ERC2: variants seen among roughly 807,000 people sequenced by gnomAD.
ERC2 encodes the protein ELKS/RAB6-interacting/CAST family member 2, also known as ERC protein 2.
Under a neutral mutation model 114.8 loss-of-function variants are expected in ERC2, and 42 were observed. The ratio of observed to expected loss-of-function variants is 0.37; its 90% confidence interval spans 0.29 to 0.47. ERC2 has a LOEUF of 0.47. ERC2 is among the 20% of genes least tolerant of loss of function. The pLI, the probability that ERC2 is intolerant of heterozygous loss-of-function variation, is 0.99. For missense variants in ERC2, 939 were observed against 1,150.7 expected (o/e 0.82, Z 2.66); for synonymous variants, 454 against 425.5 (o/e 1.07, Z -0.82).
chr3:56,342,058 C>A (rs370046777), intron 2 of ERC2, among the ~76,000 whole-genome samples: 2 of 152,338 alleles, frequency 1.3e-5, no homozygotes, highest in East Asian at 3.9e-4. Context: ...TTCTGCAAAC[C>A]TGCAGTGGCA....
At chr3:55,784,705 C>T (rs368830225) in intron 14 of ERC2, among the ~76,000 whole-genome samples, 37 of 152,166 alleles carry the variant, frequency 2.4e-4, no homozygotes, top group Admixed American at 9.8e-4. Flanking sequence ...CTGCACAAAT[C>T]ACTATAATGT....
At chr3:56,098,595 C>T (rs1462380424) in intron 6 of ERC2, among the ~76,000 whole-genome samples, 1 of 152,242 alleles carries the variant, frequency 6.6e-6, no homozygotes, top group Non-Finnish European at 1.5e-5. Context: ...ATGAGACTGA[C>T]TGTTCATACC....
chr3:56,344,837 C>A (rs938976311), intron 2 of ERC2, among the ~76,000 whole-genome samples: 4 of 152,128 alleles, frequency 2.6e-5, no homozygotes, highest in Non-Finnish European at 5.9e-5. Context: ...CAGGACAAGG[C>A]TATGTTTTCC....
At chr3:56,011,182 CTG>C (rs2072904841) in intron 8 of ERC2, among the ~76,000 whole-genome samples, 1 of 152,242 alleles carries the variant, frequency 6.6e-6, no homozygotes, top group Non-Finnish European at 1.5e-5. Flanking sequence ...ATGTTTACTT[CTG>C]TGTTTTTTCA....
chr3:55,611,151 G>C (rs1475134715), intron 17 of ERC2, among the ~76,000 whole-genome samples: 1 of 152,216 alleles, frequency 6.6e-6, no homozygotes, highest in Non-Finnish European at 1.5e-5. Flanking sequence ...TTTTTCAAGG[G>C]AAGGCATTTA....
chr3:56,242,120 C>T (rs929884223), intron 3 of ERC2, among the ~76,000 whole-genome samples: 3 of 152,164 alleles, frequency 2.0e-5, no homozygotes, highest in Admixed American at 1.3e-4. Context: ...GGTATATGCA[C>T]ACCATGGAAT....
At chr3:55,806,684 C>T (rs2059505986) in intron 14 of ERC2, among the ~76,000 whole-genome samples, 2 of 152,122 alleles carry the variant, frequency 1.3e-5, no homozygotes, top group Admixed American at 6.6e-5. Flanking sequence ...AGGACAGACC[C>T]TACAACAAAG....
intron 17 of ERC2, among the ~76,000 whole-genome samples, chr3:55,608,147 C>T (rs984205796): frequency 6.6e-6 from 1 of 152,132 alleles, no homozygotes; most frequent in Non-Finnish European, 1.5e-5. Context: ...ACCAAAGACA[C>T]GTAGTCCAAA....
At chr3:55,648,702 C>A (rs1215220857) in intron 17 of ERC2, among the ~76,000 whole-genome samples, 1 of 152,176 alleles carries the variant, frequency 6.6e-6, no homozygotes, top group Non-Finnish European at 1.5e-5. Flanking sequence ...CAGAGTCTGT[C>A]TATTAGAAGA....
intron 3 of ERC2, among the ~76,000 whole-genome samples, chr3:56,248,196 C>G (rs1205844310): frequency 6.6e-6 from 1 of 152,050 alleles, no homozygotes; most frequent in Non-Finnish European, 1.5e-5. Flanking sequence ...CTCAAGAGAT[C>G]CTCCCACCTC....
At chr3:56,189,888 T>C (rs2083882093) in intron 3 of ERC2, among the ~76,000 whole-genome samples, 1 of 152,178 alleles carries the variant, frequency 6.6e-6, no homozygotes, top group South Asian at 2.1e-4. Context: ...TTTATGGCAT[T>C]TGCCCTTATT....
rs558769385 is a variant in ERC2, at chr3:56,062,098, A to G, written c.1641+18719T>C. Among the ~76,000 whole-genome samples, 3 of 152,330 alleles carry G rather than the reference A, an allele frequency of 2.0e-5. No individual in the cohort carries two copies. In the South Asian group the frequency reaches 6.2e-4, roughly 32 times the overall value. On this transcript the variant is annotated intron_variant, in intron 7 of 17. Coordinates refer to ENST00000288221, the MANE Select transcript of ERC2 (RefSeq NM_015576.3). Reference sequence around the variant, plus strand: ...AAAAATAGATAACTATTTTATATAGATTCAAGAGATCCCATTTTTAAAAGC... The same window carrying G: ...AAAAATAGATAACTATTTTATATAGGTTCAAGAGATCCCATTTTTAAAAGC...
intron 7 of ERC2, among the ~76,000 whole-genome samples, chr3:56,032,525 A>C (rs990641660): frequency 6.6e-6 from 1 of 152,190 alleles, no homozygotes; most frequent in Non-Finnish European, 1.5e-5. Flanking sequence ...GAGGGAAATG[A>C]GTATTCAGAT....
chr3:55,936,878 C>T (rs1161965706), intron 13 of ERC2, among the ~76,000 whole-genome samples: 1 of 152,212 alleles, frequency 6.6e-6, no homozygotes, highest in Non-Finnish European at 1.5e-5. Context: ...TGCATTTACT[C>T]TGTGCCGGAT....
chr3:56,366,245 A>T (rs138126614), intron 2 of ERC2, among the ~76,000 whole-genome samples: 1,747 of 152,334 alleles, frequency 0.011, 10 homozygotes, highest in Non-Finnish European at 0.019. Context: ...TAAGAAGTCC[A>T]AAAAGCTTTC....
intron 14 of ERC2, among the ~76,000 whole-genome samples, chr3:55,864,106 T>C (rs989246423): frequency 1.1e-3 from 154 of 139,068 alleles, no homozygotes; most frequent in African/African-American, 4.1e-3. Context: ...GGTATATATA[T>C]ATATATATAT....
At chr3:55,628,306 G>A (rs2059607102) in intron 17 of ERC2, among the ~76,000 whole-genome samples, 1 of 75,030 alleles carries the variant, frequency 1.3e-5, no homozygotes, top group South Asian at 4.0e-4. Context: ...CAGTGTGGCT[G>A]TTGAGCTCCT....
At chr3:55,707,033 C>T (rs1253267066) in intron 15 of ERC2, among the ~76,000 whole-genome samples, 1 of 152,178 alleles carries the variant, frequency 6.6e-6, no homozygotes, top group Non-Finnish European at 1.5e-5. Flanking sequence ...AACCAAACAC[C>T]ATAGATAGAC....
intron 15 of ERC2, among the ~76,000 whole-genome samples, chr3:55,708,738 AAAAT>A (rs549587457): frequency 3.3e-5 from 5 of 152,036 alleles, no homozygotes; most frequent in East Asian, 1.9e-4. Context: ...TAAAAAGACA[AAAAT>A]AAATAAATAA....
Sources: allele counts gnomAD v4.1 joint callset (sites outside exome capture counted in the v4.1 genomes callset), GRCh38; gene constraint gnomAD v4.1.1; transcripts MANE v1.5; gene names NCBI Gene and HGNC (gene_info 2026-07-23, HGNC 2026-07-21).